LHFPL3: variants seen among roughly 807,000 people sequenced by gnomAD.
LHFPL3 encodes the protein LHFPL tetraspan subfamily member 3.
In LHFPL3, 5 loss-of-function variants were observed where a neutral mutation model predicts 19.3. The ratio of observed to expected loss-of-function variants is 0.26; its 90% CI spans 0.14 to 0.54. LHFPL3 has a LOEUF of 0.54. Among genes scored for constraint, LHFPL3 ranks in the 20% least tolerant of loss-of-function variants. The pLI, the probability that LHFPL3 is intolerant of heterozygous loss-of-function variation, is 0.94. For synonymous variants in LHFPL3, 133 were observed against 126.2 expected (o/e 1.05, Z -0.36); for missense variants, 249 against 307.4 (o/e 0.81, Z 1.42).
chr7:104,399,254 G>C lies in LHFPL3; in HGVS notation c.445+70030G>C, dbSNP rs977327499. Among the ~76,000 whole-genome samples, 1 of 152,064 alleles carries C rather than the reference G, an allele frequency of 6.6e-6. No individual in the cohort carries two copies. The highest frequency in any genetic ancestry group is 1.5e-5 in the Non-Finnish European group (1 of 68,016). On this transcript the variant is annotated intron_variant, in intron 1 of 2. Coordinates refer to ENST00000424859, the MANE Select transcript of LHFPL3 (RefSeq NM_199000.3). The surrounding 1 kb of genome is among the most constrained non-coding windows in gnomAD (Gnocchi z 4.4). The stretch of plus-strand genomic sequence containing the variant: ...TGGACAAGGCCCTGGTGCAGATTTA[G>C]GGTGCTAGAATAAGCATCTAGAATT...
intron 1 of LHFPL3, among the ~76,000 whole-genome samples, chr7:104,457,563 C>T (rs6947013): frequency 0.56 from 82,482 of 148,390 alleles, 23,639 homozygotes; most frequent in Non-Finnish European, 0.63. Context: ...TGAATAGTGC[C>T]GCAGTAAACA....
At chr7:104,847,923 A>G (rs1337672188) in intron 2 of LHFPL3, among the ~76,000 whole-genome samples, 1 of 152,214 alleles carries the variant, frequency 6.6e-6, no homozygotes, top group Non-Finnish European at 1.5e-5. Flanking sequence ...CCAAAATAAC[A>G]CATCTAGTCT....
At chr7:104,688,171 G>T (rs1226377161) in intron 1 of LHFPL3, among the ~76,000 whole-genome samples, 1 of 152,146 alleles carries the variant, frequency 6.6e-6, no homozygotes, top group Non-Finnish European at 1.5e-5. Flanking sequence ...GGAGAACCAA[G>T]AAATATAATG....
intron 1 of LHFPL3, among the ~76,000 whole-genome samples, chr7:104,670,597 G>A (rs1236310338): frequency 2.2e-4 from 34 of 152,074 alleles, no homozygotes; most frequent in Non-Finnish European, 7.4e-5. Context: ...AGGAAGAATC[G>A]CTGCTTTTCT....
intron 1 of LHFPL3, among the ~76,000 whole-genome samples, chr7:104,688,494 C>T (rs1466077692): frequency 3.9e-5 from 6 of 152,142 alleles, no homozygotes; most frequent in Admixed American, 6.5e-5. Flanking sequence ...TGTGGGAGGA[C>T]CTTGATGAAG....
chr7:104,671,002 T>C (rs1179242710), intron 1 of LHFPL3, among the ~76,000 whole-genome samples: 1 of 152,100 alleles, frequency 6.6e-6, no homozygotes, highest in Non-Finnish European at 1.5e-5. Flanking sequence ...ATCAGCTTGG[T>C]AGACAGTATT....
intron 1 of LHFPL3, among the ~76,000 whole-genome samples, chr7:104,563,044 G>C (rs545919970): frequency 3.3e-5 from 5 of 152,302 alleles, no homozygotes; most frequent in African/African-American, 1.2e-4. Context: ...CCCATTCTCA[G>C]ATCTCCAGCT....
intron 1 of LHFPL3, among the ~76,000 whole-genome samples, chr7:104,502,772 G>A (rs549793000): frequency 2.0e-5 from 3 of 152,210 alleles, no homozygotes; most frequent in South Asian, 2.1e-4. Flanking sequence ...TTCCAATGTC[G>A]GTATTGTTAG....
At chr7:104,713,285 A>G (rs1233396202) in intron 1 of LHFPL3, among the ~76,000 whole-genome samples, 1 of 152,244 alleles carries the variant, frequency 6.6e-6, no homozygotes, top group Admixed American at 6.5e-5. Flanking sequence ...GCACTTTATT[A>G]AATGTTTCTA....
chr7:104,389,005 C>T (rs1297231999), intron 1 of LHFPL3, among the ~76,000 whole-genome samples: 1 of 152,040 alleles, frequency 6.6e-6, no homozygotes, highest in African/African-American at 2.4e-5. Flanking sequence ...AATATCATAC[C>T]AGAGGTTCTA....
At chr7:104,599,739 A>G (rs10275240) in intron 1 of LHFPL3, among the ~76,000 whole-genome samples, 6,668 of 152,258 alleles carry the variant, frequency 0.044, 168 homozygotes, top group African/African-American at 0.064. Flanking sequence ...AGGGACCTCA[A>G]AACAGCTTAT....
chr7:104,480,707 G>C (rs1192176968), intron 1 of LHFPL3, among the ~76,000 whole-genome samples: 1 of 152,154 alleles, frequency 6.6e-6, no homozygotes, highest in Non-Finnish European at 1.5e-5. Context: ...TCTATACACA[G>C]TGTACCAGAG....
At chr7:104,807,491 C>G (rs1230257134) in intron 2 of LHFPL3, among the ~76,000 whole-genome samples, 1 of 152,178 alleles carries the variant, frequency 6.6e-6, no homozygotes, top group Non-Finnish European at 1.5e-5. Flanking sequence ...GTATACGACT[C>G]CAACTCTCAA....
chr7:104,665,244 G>C (rs7782032), intron 1 of LHFPL3, among the ~76,000 whole-genome samples: 68,810 of 152,056 alleles, frequency 0.45, 16,231 homozygotes, highest in East Asian at 0.76. Context: ...GAAAGTGGTA[G>C]TTTGTGTATC....
chr7:104,662,372 A>T (rs1016223844), intron 1 of LHFPL3, among the ~76,000 whole-genome samples: 2 of 152,162 alleles, frequency 1.3e-5, no homozygotes, highest in East Asian at 3.8e-4. Flanking sequence ...TTTTTCATAG[A>T]TTATCTCATT....
intron 1 of LHFPL3, among the ~76,000 whole-genome samples, chr7:104,558,603 C>G (rs1458252671): frequency 6.7e-6 from 1 of 150,172 alleles, no homozygotes; most frequent in Non-Finnish European, 1.5e-5. Context: ...AAGTAGGTTG[C>G]GAAAATTTTC....
At position 104,404,575 on chromosome 7, in the gene LHFPL3, C is replaced by T. The variant is rs1791378580; in HGVS notation, c.445+75351C>T. ...AAATCACAGTCATCACCTCTACACT[C>T]ATAAGAGGAATCAGAATTGAGCCAT... On this transcript the variant is annotated intron_variant, in intron 1 of 2. Transcript: ENST00000424859. 2.0e-5 allele frequency among the ~76,000 whole-genome samples: 3 copies of T among 152,300 alleles called. No homozygotes were observed. In the South Asian group the frequency reaches 6.2e-4, roughly 32 times the overall value.
intron 2 of LHFPL3, among the ~76,000 whole-genome samples, chr7:104,890,806 G>A (rs115405164): frequency 0.011 from 1,641 of 152,184 alleles, 21 homozygotes; most frequent in African/African-American, 0.037. Flanking sequence ...TGTGGCTCCC[G>A]GGAGGGGGCT....
At chr7:104,663,537 G>A (rs574872936) in intron 1 of LHFPL3, among the ~76,000 whole-genome samples, 23 of 152,310 alleles carry the variant, frequency 1.5e-4, no homozygotes, top group Admixed American at 7.8e-4. Context: ...ACACCATCTG[G>A]TTGGAGAATT....
Sources: allele counts gnomAD v4.1 joint callset (sites outside exome capture counted in the v4.1 genomes callset), GRCh38; gene constraint gnomAD v4.1.1; non-coding constraint Gnocchi (gnomAD v3.1); transcripts MANE v1.5; gene names NCBI Gene and HGNC (gene_info 2026-07-23, HGNC 2026-07-21).